Variants in GNAQ observed in about 807,000 individuals in gnomAD.
The protein encoded by GNAQ is guanine nucleotide-binding protein G(q) subunit alpha.
GNAQ carries 8 observed loss-of-function variants against 43.9 expected under a neutral mutation model. The observed-to-expected ratio is 0.18, with a 90% CI of 0.11 to 0.33. GNAQ has a LOEUF of 0.33. Among genes scored for constraint, GNAQ ranks in the 10% least tolerant of loss-of-function variants. The pLI, the probability that GNAQ is intolerant of heterozygous loss-of-function variation, is 1.00. For missense variants in GNAQ, 158 were observed against 450.8 expected (o/e 0.35, Z 5.88); for synonymous variants, 155 against 170.7 (o/e 0.91, Z 0.71).
intron 1 of GNAQ, among the ~76,000 whole-genome samples, chr9:78,016,340 T>A (rs1010531593): frequency 1.6e-4 from 25 of 152,174 alleles, no homozygotes; most frequent in African/African-American, 5.8e-4. Context: ...TTGGAGACAT[T>A]TGTCCTAGGG....
chr9:77,944,628 T>C (rs1829361599), intron 1 of GNAQ, among the ~76,000 whole-genome samples: 1 of 152,196 alleles, frequency 6.6e-6, no homozygotes, highest in African/African-American at 2.4e-5. Context: ...CACTGAGGCA[T>C]TGCTCCAACC....
chr9:77,875,931 G>A lies in GNAQ; in HGVS notation c.321+46230C>T, dbSNP rs375182338. 1.7e-4 allele frequency among the ~76,000 whole-genome samples: 26 copies of A among 152,256 alleles called. No individual in the cohort carries two copies. In the East Asian group the frequency reaches 1.9e-3, roughly 11 times the overall value. ...AGGGGAAAAACCTACCTATGGAGAG[G>A]TGCATGACATGCAGCAGCATTTCCC... On this transcript the variant is annotated intron_variant, in intron 2 of 6. Coordinates refer to ENST00000286548, the MANE Select transcript of GNAQ (RefSeq NM_002072.5).
chr9:77,896,011 A>G (rs1307051070), intron 2 of GNAQ, among the ~76,000 whole-genome samples: 1 of 152,154 alleles, frequency 6.6e-6, no homozygotes, highest in Non-Finnish European at 1.5e-5. Flanking sequence ...CTTTACCAGC[A>G]GCATGAAAAT....
intron 5 of GNAQ, among the ~76,000 whole-genome samples, chr9:77,787,464 T>C (rs780504428): frequency 1.5e-4 from 23 of 152,120 alleles, no homozygotes; most frequent in Non-Finnish European, 3.1e-4. Flanking sequence ...AAGGTAAAAA[T>C]AGTGGAGAAA....
At chr9:77,786,046 A>C (rs1265606360) in intron 5 of GNAQ, among the ~76,000 whole-genome samples, 2 of 152,274 alleles carry the variant, frequency 1.3e-5, no homozygotes, top group East Asian at 3.9e-4. Flanking sequence ...GATACATGTC[A>C]CATGTGTCAT....
At chr9:78,012,298 C>T (rs558453734) in intron 1 of GNAQ, among the ~76,000 whole-genome samples, 1 of 146,360 alleles carries the variant, frequency 6.8e-6, no homozygotes, top group East Asian at 2.0e-4. Flanking sequence ...AGTGCAATGG[C>T]ACAATCTCAG....
At chr9:77,759,809 C>G (rs921949006) in intron 5 of GNAQ, among the ~76,000 whole-genome samples, 15 of 152,044 alleles carry the variant, frequency 9.9e-5, no homozygotes, top group African/African-American at 3.6e-4. Flanking sequence ...GTTTTCTGAG[C>G]CTTTTAGATC....
At position 77,928,587 on chromosome 9, in the gene GNAQ, G is replaced by C. The variant is rs1005838597; in HGVS notation, c.137-6242C>G. On this transcript the variant is annotated intron_variant, in intron 1 of 6. Transcript: ENST00000286548. ...TAAAATCCTCCCAGAAGAGTCACTT[G>C]ATCATACAAGGTTATTCAAAGGTAC... Among the ~76,000 whole-genome samples the C allele has an allele frequency of 2.0e-5, 3 of 152,170 alleles. No individual in the cohort carries two copies. The East Asian group carries it at 5.8e-4, about 29-fold the overall frequency.
At chr9:78,023,051 C>T (rs192587294) in intron 1 of GNAQ, among the ~76,000 whole-genome samples, 1 of 152,288 alleles carries the variant, frequency 6.6e-6, no homozygotes, top group East Asian at 1.9e-4. Flanking sequence ...TTCCAGCATA[C>T]GCACTGCATC....
chr9:77,982,473 A>G (rs1823379744), intron 1 of GNAQ, among the ~76,000 whole-genome samples: 1 of 152,140 alleles, frequency 6.6e-6, no homozygotes, highest in South Asian at 2.1e-4. Flanking sequence ...TCTCTTCTAC[A>G]CCTTTTCATG....
chr9:77,940,749 C>T (rs544590463), intron 1 of GNAQ, among the ~76,000 whole-genome samples: 5 of 152,094 alleles, frequency 3.3e-5, no homozygotes, highest in Non-Finnish European at 7.4e-5. Flanking sequence ...AGGCGGATCA[C>T]GAGGTCAGGA....
intron 2 of GNAQ, among the ~76,000 whole-genome samples, chr9:77,817,307 G>C (rs1827034836): frequency 6.6e-6 from 1 of 152,100 alleles, no homozygotes; most frequent in Non-Finnish European, 1.5e-5. Flanking sequence ...TAAGTTCCAA[G>C]TTCCAAGATA....
At chr9:77,957,269 T>C (rs948163460) in intron 1 of GNAQ, among the ~76,000 whole-genome samples, 5 of 152,000 alleles carry the variant, frequency 3.3e-5, no homozygotes, top group Non-Finnish European at 5.9e-5. Flanking sequence ...GACAGGAGAA[T>C]TGCACGAACA....
At chr9:77,834,684 A>G (rs1827355676) in intron 2 of GNAQ, among the ~76,000 whole-genome samples, 1 of 152,148 alleles carries the variant, frequency 6.6e-6, no homozygotes, top group Non-Finnish European at 1.5e-5. Context: ...TGCTGGTGGG[A>G]GCAAGAGCTG....
chr9:77,929,171 G>A (rs1269310828), intron 1 of GNAQ, among the ~76,000 whole-genome samples: 1 of 152,166 alleles, frequency 6.6e-6, no homozygotes, highest in African/African-American at 2.4e-5. Flanking sequence ...GAGCCAATCT[G>A]CTCAACTTAT....
intron 2 of GNAQ, among the ~76,000 whole-genome samples, chr9:77,865,948 A>G (rs1827940864): frequency 6.6e-6 from 1 of 152,254 alleles, no homozygotes; most frequent in Non-Finnish European, 1.5e-5. Flanking sequence ...TGCTAGGAAT[A>G]TAATGATTAA....
At chr9:77,777,958 C>T (rs1186032728) in intron 5 of GNAQ, among the ~76,000 whole-genome samples, 1 of 151,934 alleles carries the variant, frequency 6.6e-6, no homozygotes, top group Admixed American at 6.6e-5. Context: ...AGGAATTCTA[C>T]TCCCAGGAAT....
intron 2 of GNAQ, among the ~76,000 whole-genome samples, chr9:77,891,294 C>A (rs1414758139): frequency 6.6e-6 from 1 of 152,076 alleles, no homozygotes; most frequent in Non-Finnish European, 1.5e-5. Context: ...TGCTCTCTTT[C>A]GTAGCAGCAG....
intron 2 of GNAQ, among the ~76,000 whole-genome samples, chr9:77,881,280 G>T (rs73653016): frequency 6.6e-6 from 1 of 152,338 alleles, no homozygotes; most frequent in African/African-American, 2.4e-5. Flanking sequence ...GCCATTGTCT[G>T]GTTTGTTCAC....
Sources: allele counts gnomAD v4.1 joint callset (sites outside exome capture counted in the v4.1 genomes callset), GRCh38; gene constraint gnomAD v4.1.1; transcripts MANE v1.5; gene names NCBI Gene and HGNC (gene_info 2026-07-23, HGNC 2026-07-21).